Variants in VAV2 observed in about 807,000 individuals in gnomAD.
VAV2 encodes vav guanine nucleotide exchange factor 2.
In VAV2, 67 loss-of-function variants were observed where a neutral mutation model predicts 132.5. The observed-to-expected ratio is 0.51, with a 90% CI of 0.42 to 0.62. The LOEUF (loss-of-function observed/expected upper bound fraction) is 0.62, where lower values mean the gene tolerates loss of function less well. VAV2 is among the 20% of genes least tolerant of loss of function. The pLI, the probability that VAV2 is intolerant of heterozygous loss-of-function variation, is 0.00. For synonymous variants in VAV2, 492 were observed against 443.5 expected, an observed-to-expected ratio of 1.11 and a Z score of -1.37; for missense variants, 938 against 1,153.6, an observed-to-expected ratio of 0.81 and a Z score of 2.71.
At chr9:133,920,760 A>G (rs1399572069) in intron 2 of VAV2, among the ~76,000 whole-genome samples, 1 of 152,066 alleles carries the variant, frequency 6.6e-6, no homozygotes, top group African/African-American at 2.4e-5. Context: ...TGGGCAACAT[A>G]CTGGCCGCCT....
Position 133,823,808 on chromosome 9 carries a change from G to A in VAV2, c.449+10464C>T, listed in dbSNP as rs1411851027. On this transcript the variant is annotated intron_variant, in intron 4 of 29. Coordinates refer to ENST00000371850, the MANE Select transcript of VAV2 (RefSeq NM_001134398.2). This position sits in a 1 kb window ranked among gnomAD's most constrained non-coding sequence, Gnocchi z 5.5. ...GACCGAATCAGTCCTGAAAGCACTCGAGTTTAACGAGGTATTAAAAATGAA... is the reference window on the plus strand; with the variant it reads ...GACCGAATCAGTCCTGAAAGCACTCAAGTTTAACGAGGTATTAAAAATGAA... Among the ~76,000 whole-genome samples the A allele has an allele frequency of 1.3e-5, 2 of 152,174 alleles. No homozygotes were observed. The highest frequency in any genetic ancestry group is 2.4e-5 in the African/African-American group (1 of 41,446).
At position 133,873,427 on chromosome 9, in the gene VAV2, T is replaced by C. The variant is rs1053711190; in HGVS notation, c.322-11995A>G. On this transcript the variant is annotated intron_variant, in intron 2 of 29. Transcript: ENST00000371850. Reference sequence around the variant, plus strand: ...CAGTCCCACTGTGCTCACGGTGGAGTCACTAGCTGGTCACCATGCCCCTGC... The same window carrying C: ...CAGTCCCACTGTGCTCACGGTGGAGCCACTAGCTGGTCACCATGCCCCTGC... Among the ~76,000 whole-genome samples, 30 of 151,780 alleles carry C rather than the reference T, an allele frequency of 2.0e-4. 1 individual carries two copies. The highest frequency in any genetic ancestry group is 1.9e-3 in the Admixed American group (29 of 15,260).
chr9:133,781,576 G>A (rs533697614), intron 19 of VAV2, among the ~76,000 whole-genome samples: 49 of 152,286 alleles, frequency 3.2e-4, no homozygotes, highest in African/African-American at 1.1e-3. Context: ...GCATCTCTCC[G>A]GGACATCTCG....
intron 2 of VAV2, among the ~76,000 whole-genome samples, chr9:133,897,194 C>T (rs563704114): frequency 2.6e-5 from 4 of 152,270 alleles, no homozygotes; most frequent in Non-Finnish European, 5.9e-5. Context: ...TGCTGAAGGA[C>T]GCGGGAAAAT....
At chr9:133,771,086 CAG>C (rs1332034839) in intron 26 of VAV2, among the ~76,000 whole-genome samples, 1 of 114,388 alleles carries the variant, frequency 8.7e-6, no homozygotes, top group East Asian at 2.9e-4. Flanking sequence ...TTTTTTGAGA[CAG>C]AGTCTTACTC....
At chr9:133,870,098 C>T (rs7038256) in intron 2 of VAV2, among the ~76,000 whole-genome samples, 24,648 of 151,918 alleles carry the variant, frequency 0.16, 2,487 homozygotes, top group African/African-American at 0.29. Context: ...GTGATAATTA[C>T]AAAACATGTG....
intron 1 of VAV2, among the ~76,000 whole-genome samples, chr9:133,985,998 C>T (rs116131294): frequency 0.04 from 6,128 of 151,824 alleles, 289 homozygotes; most frequent in African/African-American, 0.12. Flanking sequence ...GAAGAAAAGA[C>T]TGAGAGAGAT....
chr9:133,989,764 G>A (rs1842960434), intron 1 of VAV2, among the ~76,000 whole-genome samples: 1 of 152,076 alleles, frequency 6.6e-6, no homozygotes. Flanking sequence ...CCCAACCCCT[G>A]TGTGCAGCCA....
chr9:133,955,370 C>A (rs1183890862), intron 1 of VAV2, among the ~76,000 whole-genome samples: 6 of 151,138 alleles, frequency 4.0e-5, no homozygotes, highest in African/African-American at 1.2e-4. Flanking sequence ...TCCCCACACT[C>A]CTCCTTACTC....
chr9:133,789,680 G>A (rs1051257261), intron 13 of VAV2, among the ~76,000 whole-genome samples: 2 of 148,536 alleles, frequency 1.3e-5, no homozygotes, highest in Non-Finnish European at 3.0e-5. Context: ...GACCCGGTCG[G>A]AAAAGCCAGA....
At position 133,965,130 on chromosome 9, in the gene VAV2, A is replaced by G. The variant is rs1842101525; in HGVS notation, c.205-25911T>C. On this transcript the variant is annotated intron_variant, in intron 1 of 29. Transcript: ENST00000371850. Reference sequence around the variant, plus strand: ...CAAATTCAGTAACATTGCAGGATACAAAATTAACATATAGAAAACAGTAGC... The same window carrying G: ...CAAATTCAGTAACATTGCAGGATACGAAATTAACATATAGAAAACAGTAGC... Among the ~76,000 whole-genome samples, 4 of 152,314 alleles carry G rather than the reference A, an allele frequency of 2.6e-5. No homozygotes were observed. The South Asian group carries it at 8.3e-4, about 32-fold the overall frequency.
intron 3 of VAV2, among the ~76,000 whole-genome samples, chr9:133,849,525 C>A (rs1459196195): frequency 6.6e-6 from 1 of 152,218 alleles, no homozygotes; most frequent in African/African-American, 2.4e-5. Flanking sequence ...GAAGTGAAAC[C>A]CATGTCCCTG....
Position 133,789,667 on chromosome 9 carries a change from C to T in VAV2, c.1189-324G>A, listed in dbSNP as rs12551616. The stretch of plus-strand genomic sequence containing the variant: ...GGCCGCCGCTGTGTGGAGCCCCAAG[C>T]GGGACCCGGTCGGAAAAGCCAGAAG... On this transcript the variant is annotated intron_variant, in intron 13 of 29. Transcript: ENST00000371850. 7.9e-3 allele frequency among the ~76,000 whole-genome samples: 1,167 copies of T among 148,186 alleles called. 26 individuals are homozygous for T. Among genetic ancestry groups the T allele is most frequent in the Admixed American group, 0.044 (657 of 14,970 alleles).
chr9:133,956,276 C>G (rs777868119), intron 1 of VAV2, among the ~76,000 whole-genome samples: 2 of 152,132 alleles, frequency 1.3e-5, no homozygotes, highest in Admixed American at 1.3e-4. Context: ...ATGATCCCCT[C>G]GTCTACCCAG....
chr9:133,805,761 G>A, intron 9 of VAV2, among the ~76,000 whole-genome samples: 1 of 152,330 alleles, frequency 6.6e-6, no homozygotes, highest in East Asian at 1.9e-4. Flanking sequence ...GTGCAGAAGG[G>A]AGAAGTGGGG....
chr9:133,917,835 A>T (rs926045546), intron 2 of VAV2, among the ~76,000 whole-genome samples: 2 of 152,266 alleles, frequency 1.3e-5, no homozygotes, highest in African/African-American at 4.8e-5. Context: ...AGCTGGACCC[A>T]CACCCTCCCG....
At position 133,790,823 on chromosome 9, in the gene VAV2, G is replaced by A. The variant is rs145848759; in HGVS notation, c.1188+960C>T. 3.3e-3 allele frequency among the ~76,000 whole-genome samples: 506 copies of A among 152,230 alleles called. 5 individuals are homozygous for A. The highest frequency in any genetic ancestry group is 0.012 in the African/African-American group (484 of 41,526). ...GCATTCTCTTTGTGCTGCTGGCACC[G>A]GGTGGGTGTGGCCTGGCCATCGGGG... On this transcript the variant is annotated intron_variant, in intron 13 of 29. Coordinates refer to ENST00000371850, the MANE Select transcript of VAV2 (RefSeq NM_001134398.2).
At position 133,769,709 on chromosome 9, in the gene VAV2, C is replaced by T. The variant is rs1429345996; in HGVS notation, c.2348-206G>A. ...GCCACTCGGCCACACCTGAGCTACC[C>T]TGGAACCACTCTATGCACCCGTGTA... On this transcript the variant is annotated intron_variant, in intron 27 of 29. Coordinates refer to ENST00000371850, the MANE Select transcript of VAV2 (RefSeq NM_001134398.2). This position sits in a 1 kb window ranked among gnomAD's most constrained non-coding sequence, Gnocchi z 8.1. 1.3e-5 allele frequency among the ~76,000 whole-genome samples: 2 copies of T among 152,210 alleles called. No individual in the cohort carries two copies. The highest frequency in any genetic ancestry group is 2.9e-5 in the Non-Finnish European group (2 of 68,022).
chr9:133,815,556 T>G (rs1452228714), intron 4 of VAV2, among the ~76,000 whole-genome samples: 1 of 152,160 alleles, frequency 6.6e-6, no homozygotes, highest in East Asian at 1.9e-4. Context: ...GTTAGATTTG[T>G]TTTTGTGCCT....
Sources: allele counts gnomAD v4.1 joint callset (sites outside exome capture counted in the v4.1 genomes callset), GRCh38; gene constraint gnomAD v4.1.1; non-coding constraint Gnocchi (gnomAD v3.1); transcripts MANE v1.5; gene names NCBI Gene and HGNC (gene_info 2026-07-23, HGNC 2026-07-21).